BRWD1: variants seen among roughly 807,000 people sequenced by gnomAD.
The protein encoded by BRWD1 is bromodomain and WD repeat-containing protein 1.
A neutral mutation model predicts 251.2 loss-of-function variants in BRWD1; 82 were observed. The observed-to-expected ratio is 0.33, with a 90% CI of 0.27 to 0.39. BRWD1 has a LOEUF of 0.39. Ranked by LOEUF, BRWD1 falls within the 10% of genes least tolerant of loss-of-function variation. The pLI is 1.00. For synonymous variants in BRWD1, 918 were observed against 902.8 expected (o/e 1.02, Z -0.30); for missense variants, 2,233 against 2,711.6 (o/e 0.82, Z 3.92).
At chr21:39,233,745 C>T (rs368458551) in intron 23 of BRWD1, among the ~76,000 whole-genome samples, 3 of 152,182 alleles carry the variant, frequency 2.0e-5, no homozygotes, top group Non-Finnish European at 2.9e-5. Flanking sequence ...CTTGGCCGGG[C>T]GCCATGGCTC....
chr21:39,293,802 C>G lies in BRWD1; in HGVS notation c.831+9G>C, dbSNP rs116676022. ...ATATAGGAATGTGCCCACTAAGCTA[C>G]AAGTTTACCTGTAAAGATGTAATTG... On this transcript the variant is annotated intron_variant, in intron 8 of 40. Coordinates refer to ENST00000342449, the MANE Select transcript of BRWD1 (RefSeq NM_033656.4). 4,726 of 1,611,334 alleles carry G rather than the reference C, an allele frequency of 2.9e-3. 113 individuals are homozygous for G. The African/African-American group carries it at 0.053, about 18-fold the overall frequency.
intron 36 of BRWD1, among the ~76,000 whole-genome samples, chr21:39,207,803 A>G (rs1189926111): frequency 1.3e-5 from 2 of 152,238 alleles, no homozygotes; most frequent in Non-Finnish European, 2.9e-5. Flanking sequence ...ACACACTTTA[A>G]TATTATTCAG....
At chr21:39,264,005 C>A (rs1482808106) in intron 17 of BRWD1, among the ~76,000 whole-genome samples, 2 of 152,142 alleles carry the variant, frequency 1.3e-5, no homozygotes, top group Non-Finnish European at 2.9e-5. Flanking sequence ...GACCTGTAAT[C>A]TTCAAATACA....
chr21:39,285,871 C>CAAA lies in BRWD1; in HGVS notation c.832-5626_832-5624dup, dbSNP rs113834787. ...GGGAGCATCACTTGAGCCCAGTCAA[C>CAAA]AAAAAAAAAAAAAAAAAAAAAAGAA... is the stretch of plus-strand genomic sequence containing the variant. On this transcript the variant is annotated intron_variant, in intron 8 of 40. Transcript: ENST00000342449. Among the ~76,000 whole-genome samples, 491 of 101,326 alleles carry CAAA rather than the reference C, an allele frequency of 4.8e-3. 12 individuals carry two copies. The highest frequency in any genetic ancestry group is 9.5e-3 in the South Asian group (27 of 2,832). 66.5% of individuals were successfully genotyped at this position (101,326 alleles called of 152,430 possible).
At chr21:39,255,231 T>C (rs2034523318) in intron 19 of BRWD1, among the ~76,000 whole-genome samples, 1 of 151,870 alleles carries the variant, frequency 6.6e-6, no homozygotes, top group Non-Finnish European at 1.5e-5. Context: ...GCCAACATGG[T>C]GAAACCCTGT....
At chr21:39,295,131 G>C (rs1450724145) in intron 7 of BRWD1, among the ~76,000 whole-genome samples, 1 of 144,264 alleles carries the variant, frequency 6.9e-6, no homozygotes, top group Non-Finnish European at 1.5e-5. Flanking sequence ...ATCTAATTCA[G>C]TAAGTCTAGA....
At chr21:39,312,779 A>G in intron 4 of BRWD1, 62 bp downstream of exon 4, 3 of 1,385,148 alleles carry the variant, frequency 2.2e-6, no homozygotes, top group Non-Finnish European at 3.0e-6. Context: ...CCGCGAGGGG[A>G]AGGGGCGGGG....
At chr21:39,238,031 G>C (rs2033870792) in intron 22 of BRWD1, among the ~76,000 whole-genome samples, 3 of 152,094 alleles carry the variant, frequency 2.0e-5, no homozygotes, top group Non-Finnish European at 1.5e-5. Flanking sequence ...GTGGACAAGA[G>C]AGATTAAGGT....
chr21:39,312,814 C>A (rs2036539107), intron 4 of BRWD1, 27 bp downstream of exon 4: 2 of 1,579,712 alleles, frequency 1.3e-6, no homozygotes, highest in African/African-American at 1.4e-5. Context: ...ACGGAAAACC[C>A]GGGGAGCAAA....
intron 27 of BRWD1, among the ~76,000 whole-genome samples, chr21:39,228,124 C>A (rs1027309655): frequency 1.3e-5 from 2 of 152,066 alleles, no homozygotes; most frequent in African/African-American, 4.8e-5. Flanking sequence ...TCTGTCTCTA[C>A]TAAAAATACA....
chr21:39,228,771 G>A (rs533657941), intron 26 of BRWD1, among the ~76,000 whole-genome samples, 189 bp from the exon 27 acceptor site: 5 of 151,990 alleles, frequency 3.3e-5, no homozygotes, highest in East Asian at 3.9e-4. Context: ...ATTTCAATAT[G>A]TTATCAAAAC....
intron 10 of BRWD1, 129 bp downstream of exon 10, chr21:39,278,614 T>C (rs947860598): frequency 1.9e-5 from 12 of 616,106 alleles, no homozygotes; most frequent in African/African-American, 1.9e-4. Flanking sequence ...ACATCATAAA[T>C]TGAACCTAAT....
chr21:39,244,921 A>AATAAATATAT (rs1330847340), intron 21 of BRWD1, among the ~76,000 whole-genome samples: 1 of 112,524 alleles, frequency 8.9e-6, no homozygotes, highest in South Asian at 3.1e-4. Flanking sequence ...CTTTGGAAGA[A>AATAAATATAT]ATATATATAT....
At chr21:39,274,309 G>A (rs1042898125) in intron 13 of BRWD1, 65 bp downstream of exon 13, 4 of 1,132,648 alleles carry the variant, frequency 3.5e-6, no homozygotes, top group East Asian at 2.4e-5. Flanking sequence ...GAGAGCGAGA[G>A]AGAGAGAGAG....
Position 39,189,194 on chromosome 21 carries a change from T to C in BRWD1, c.*7065A>G, listed in dbSNP as rs745396487. The C allele has an allele frequency of 8.1e-6, 8 of 985,144 alleles. No individual in the cohort carries two copies. The highest frequency in any genetic ancestry group is 1.7e-5 in the African/African-American group (1 of 57,244). The allele number at this position is 985,144 out of a possible 1,614,324, so 61.0% of individuals were successfully genotyped here. ...CAAAATTAAGGTGAAATTTGCACTT[T>C]ATAGTAGGATGAGAATATACTATTA... On this transcript the variant is annotated 3_prime_UTR_variant, in exon 41 of 41. Coordinates refer to ENST00000342449, the MANE Select transcript of BRWD1 (RefSeq NM_033656.4).
chr21:39,224,332 T>C, intron 29 of BRWD1, 76 bp downstream of exon 29: 1 of 819,198 alleles, frequency 1.2e-6, no homozygotes, highest in Non-Finnish European at 1.9e-6. Flanking sequence ...AATACAAATA[T>C]GTTTGTTCCA....
chr21:39,260,037 T>C (rs2034690633), intron 17 of BRWD1, among the ~76,000 whole-genome samples: 2 of 152,160 alleles, frequency 1.3e-5, no homozygotes, highest in Non-Finnish European at 2.9e-5. Flanking sequence ...ATAATGTCTT[T>C]GTTTTGCTAT....
intron 4 of BRWD1, among the ~76,000 whole-genome samples, chr21:39,309,177 A>G (rs1238771629): frequency 6.6e-6 from 1 of 151,700 alleles, no homozygotes; most frequent in Admixed American, 6.6e-5. Context: ...CATCTCAAAA[A>G]AAAACAAAAC....
At chr21:39,267,577 C>T (rs1338648730) in intron 15 of BRWD1, among the ~76,000 whole-genome samples, 2 of 152,010 alleles carry the variant, frequency 1.3e-5, no homozygotes, top group African/African-American at 4.8e-5. Flanking sequence ...CCAGCCTGGG[C>T]GACAGAGAGA....
Sources: allele counts gnomAD v4.1 joint callset (sites outside exome capture counted in the v4.1 genomes callset), GRCh38; gene constraint gnomAD v4.1.1; transcripts MANE v1.5; gene names NCBI Gene and HGNC (gene_info 2026-07-23, HGNC 2026-07-21).